The following MSH3 variants were observed in gnomAD, a reference collection of about 807,000 sequenced individuals.
MSH3 encodes the protein mutS homolog 3.
A neutral mutation model predicts 123.3 loss-of-function variants in MSH3; 106 were observed. That is an observed-to-expected ratio of 0.86 (90% CI 0.73 to 1.01). The LOEUF is 1.01. Among genes scored for constraint, MSH3 ranks in the 50% least tolerant of loss-of-function variants. The pLI, the probability that MSH3 is intolerant of heterozygous loss-of-function variation, is 0.00. For missense variants in MSH3, 1,459 were observed against 1,347.6 expected, an observed-to-expected ratio of 1.08 and a Z score of -1.29; for synonymous variants, 515 against 481.4, an observed-to-expected ratio of 1.07 and a Z score of -0.91.
intron 13 of MSH3, among the ~76,000 whole-genome samples, chr5:80,762,818 A>ATGTT (rs1744062846): frequency 6.8e-6 from 1 of 147,364 alleles, no homozygotes; most frequent in African/African-American, 2.5e-5. Context: ...ATGTTATGTT[A>ATGTT]TGTTATGTTA....
chr5:80,729,460 G>GTATATATATA lies in MSH3; in HGVS notation c.1568+506_1568+515dup, dbSNP rs376372477. Among the ~76,000 whole-genome samples, 87 of 95,024 alleles carry GTATATATATA rather than the reference G, an allele frequency of 9.2e-4. 1 individual carries two copies. The highest frequency in any genetic ancestry group is 0.012 in the Middle Eastern group (2 of 168). The allele number at this position is 95,024 out of a possible 152,430, so 62.3% of individuals were successfully genotyped here. On this transcript the variant is annotated intron_variant, in intron 10 of 23. Coordinates refer to ENST00000265081, the MANE Select transcript of MSH3 (RefSeq NM_002439.5). Reference sequence around the variant, plus strand: ...TGTGTGTGTGTGTGTGTGTGTGTGTGTATATATATATATATATATAAAGAA... The same window carrying GTATATATATA: ...TGTGTGTGTGTGTGTGTGTGTGTGTGTATATATATATATATATATATATATATATAAAGAA...
At chr5:80,830,672 A>G (rs1198064387) in intron 20 of MSH3, among the ~76,000 whole-genome samples, 2 of 152,212 alleles carry the variant, frequency 1.3e-5, no homozygotes, top group Non-Finnish European at 2.9e-5. Flanking sequence ...ACTACTAGCT[A>G]TGTTAGAGGA....
At chr5:80,747,661 T>C (rs1743747372) in intron 12 of MSH3, among the ~76,000 whole-genome samples, 1 of 152,208 alleles carries the variant, frequency 6.6e-6, no homozygotes, top group Non-Finnish European at 1.5e-5. Context: ...TAATTAGTCA[T>C]GTACCACATG....
At chr5:80,739,686 C>T (rs868020367) in intron 10 of MSH3, among the ~76,000 whole-genome samples, 6 of 152,188 alleles carry the variant, frequency 3.9e-5, no homozygotes, top group Non-Finnish European at 5.9e-5. Flanking sequence ...AACAGATTAT[C>T]GTTCTTTGGA....
intron 9 of MSH3, among the ~76,000 whole-genome samples, 194 bp from the exon 10 acceptor site, chr5:80,728,657 T>G (rs1044667545): frequency 3.9e-5 from 6 of 152,210 alleles, no homozygotes; most frequent in Admixed American, 3.9e-4. Flanking sequence ...GCCCTGGGTA[T>G]TAGTAATGAT....
intron 8 of MSH3, among the ~76,000 whole-genome samples, chr5:80,685,271 A>T (rs934211740): frequency 1.4e-5 from 2 of 138,994 alleles, no homozygotes; most frequent in African/African-American, 5.4e-5. Flanking sequence ...AATGTTTGGT[A>T]GGATTCAGCA....
chr5:80,860,208 A>G (rs973805864), intron 21 of MSH3, among the ~76,000 whole-genome samples: 81 of 152,172 alleles, frequency 5.3e-4, no homozygotes, highest in African/African-American at 1.9e-3. Flanking sequence ...AAGAAAAATA[A>G]AAGTTTTTCG....
Position 80,656,616 on chromosome 5 carries a change from TTG to T in MSH3, c.358+89_358+90del, listed in dbSNP as rs1426529605. 4 of 1,576,054 alleles carry T rather than the reference TTG, an allele frequency of 2.5e-6. No homozygotes were observed. The African/African-American group carries it at 5.4e-5, about 21-fold the overall frequency. On this transcript the variant is annotated intron_variant, in intron 2 of 23. Transcript: ENST00000265081. ...CAGAGGGCAGAAGAGCGTATTAGAA[TTG>T]TGTCTTTTTTCTTTGTGGAGAAAGG...
chr5:80,840,968 C>A (rs527723911), intron 20 of MSH3, among the ~76,000 whole-genome samples: 1 of 151,770 alleles, frequency 6.6e-6, no homozygotes, highest in Non-Finnish European at 1.5e-5. Context: ...AGGTTTGTTA[C>A]ATATGTATAC....
intron 10 of MSH3, among the ~76,000 whole-genome samples, chr5:80,730,221 T>C (rs1743386486): frequency 6.6e-6 from 1 of 152,210 alleles, no homozygotes; most frequent in South Asian, 2.1e-4. Flanking sequence ...ATATGACCAA[T>C]GCTTAAAATT....
chr5:80,761,009 T>C (rs1744022230), intron 12 of MSH3, among the ~76,000 whole-genome samples: 1 of 152,178 alleles, frequency 6.6e-6, no homozygotes, highest in Admixed American at 6.5e-5. Flanking sequence ...TGATACCTGC[T>C]CTTTGATTCA....
chr5:80,752,107 C>T (rs1244665932), intron 12 of MSH3, among the ~76,000 whole-genome samples: 2 of 151,580 alleles, frequency 1.3e-5, no homozygotes, highest in Admixed American at 6.6e-5. Flanking sequence ...CAAAGTGTTA[C>T]ATTAATTTTA....
intron 8 of MSH3, among the ~76,000 whole-genome samples, chr5:80,704,640 G>C (rs1212211861): frequency 6.6e-6 from 1 of 152,124 alleles, no homozygotes; most frequent in Non-Finnish European, 1.5e-5. Flanking sequence ...CAAATAAGGT[G>C]GTGGTGATTT....
chr5:80,661,684 C>T (rs1002669149), intron 2 of MSH3, among the ~76,000 whole-genome samples: 23 of 152,172 alleles, frequency 1.5e-4, no homozygotes, highest in African/African-American at 5.6e-4. Flanking sequence ...TCTGGGGCTG[C>T]ATCCCTTGAC....
chr5:80,743,562 C>CATTTTAGGTCTCAAGATTTAAAT (rs1479695787), intron 11 of MSH3, among the ~76,000 whole-genome samples: 3 of 71,772 alleles, frequency 4.2e-5, no homozygotes, highest in African/African-American at 1.1e-4. Flanking sequence ...TAAAAAAACC[C>CATTTTAGGTCTCAAGATTTAAAT]GGCCGGGCGC....
At position 80,679,068 on chromosome 5, in the gene MSH3, C is replaced by T. The variant is rs1348830157; in HGVS notation, c.1315C>T (p.Leu439Phe). Residue 439 changes from leucine (L) to phenylalanine (F), a missense_variant, in exon 8 of 24, where the codon CTC becomes TTC. Transcript: ENST00000265081. The stretch of plus-strand genomic sequence containing the variant: ...GGCCTTGTCCGAGCAAACAGAGGCG[C>T]TCATCCACAGAGCCACATCTGTTAG... ...PSALSEQTEALIHRATSVSVQ... is the reference protein window; with the variant it reads ...PSALSEQTEAFIHRATSVSVQ... The T allele has an allele frequency of 6.2e-7, 1 of 1,614,036 alleles. No homozygotes were observed.
chr5:80,672,568 G>A (rs747497485), intron 5 of MSH3, among the ~76,000 whole-genome samples, 173 bp from the exon 6 acceptor site: 2 of 152,136 alleles, frequency 1.3e-5, no homozygotes, highest in African/African-American at 4.8e-5. Context: ...TAAACTCTAT[G>A]ATAGTGTTTC....
chr5:80,775,794 T>C, intron 16 of MSH3, 36 bp downstream of exon 16: 1 of 1,107,574 alleles, frequency 9.0e-7, no homozygotes, highest in Non-Finnish European at 1.4e-6. Context: ...TACAATGCAT[T>C]ATGATGACAT....
chr5:80,792,530 TG>T (rs1744625725), intron 18 of MSH3, among the ~76,000 whole-genome samples: 1 of 152,190 alleles, frequency 6.6e-6, no homozygotes, highest in Non-Finnish European at 1.5e-5. Context: ...TAATAATAAA[TG>T]TTTTCCCAAT....
Sources: allele counts gnomAD v4.1 joint callset (sites outside exome capture counted in the v4.1 genomes callset), GRCh38; gene constraint gnomAD v4.1.1; transcripts MANE v1.5; gene names NCBI Gene and HGNC (gene_info 2026-07-23, HGNC 2026-07-21).